ARK2C: variants seen among roughly 807,000 people sequenced by gnomAD.
The protein encoded by ARK2C is arkadia (RNF111) C-terminal like ring finger ubiquitin ligase 2C, also known as E3 ubiquitin-protein ligase ARK2C.
At chr18:46,441,577 T>A in the ARK2C span, among the ~76,000 whole-genome samples, 1 of 152,102 alleles carries the variant, frequency 6.6e-6, no homozygotes, top group Non-Finnish European at 1.5e-5. Context: ...TAATCATTTG[T>A]ACTACTCTTT....
At chr18:46,399,229 G>A in the ARK2C span, among the ~76,000 whole-genome samples, 2 of 152,194 alleles carry the variant, frequency 1.3e-5, no homozygotes, top group African/African-American at 2.4e-5. Flanking sequence ...TCACACAGGC[G>A]GTGGGGGTGG....
chr18:46,342,484 G>A, the ARK2C span, among the ~76,000 whole-genome samples: 1 of 152,246 alleles, frequency 6.6e-6, no homozygotes, highest in African/African-American at 2.4e-5. Flanking sequence ...GGGACTTTGA[G>A]AGACAGGGAG....
chr18:46,459,342 T>C, the ARK2C span: 4 of 152,282 alleles, frequency 2.6e-5, no homozygotes, highest in Non-Finnish European at 5.9e-5. Context: ...TGCTTGCTAA[T>C]TTCCTTCTGA....
the ARK2C span, among the ~76,000 whole-genome samples, chr18:46,389,449 T>C: frequency 6.6e-6 from 1 of 152,184 alleles, no homozygotes; most frequent in Non-Finnish European, 1.5e-5. Flanking sequence ...TCCCTTCATT[T>C]TGTAGGCACG....
At chr18:46,366,407 C>T in the ARK2C span, among the ~76,000 whole-genome samples, 5 of 152,116 alleles carry the variant, frequency 3.3e-5, no homozygotes, top group South Asian at 1.0e-3. Flanking sequence ...TATATGACCT[C>T]TCCCTTCTCC....
the ARK2C span, among the ~76,000 whole-genome samples, chr18:46,389,056 G>A: frequency 1.3e-5 from 2 of 152,152 alleles, no homozygotes; most frequent in African/African-American, 4.8e-5. Flanking sequence ...ACAACAGATT[G>A]GGAACAACTA....
the ARK2C span, among the ~76,000 whole-genome samples, chr18:46,365,531 G>C: frequency 0.042 from 6,459 of 152,158 alleles, 455 homozygotes; most frequent in African/African-American, 0.14. Flanking sequence ...TGAGACCAAG[G>C]CTTGCTCTGT....
At chr18:46,379,189 G>A in the ARK2C span, among the ~76,000 whole-genome samples, 5 of 152,192 alleles carry the variant, frequency 3.3e-5, no homozygotes, top group Non-Finnish European at 5.9e-5. Context: ...TGCTGGAAAC[G>A]CTATCATTCT....
At chr18:46,443,332 G>A in the ARK2C span, among the ~76,000 whole-genome samples, 70 of 151,656 alleles carry the variant, frequency 4.6e-4, 1 homozygote, top group Non-Finnish European at 1.6e-4. Flanking sequence ...ATTTTATTTT[G>A]GGAATTCACT....
the ARK2C span, among the ~76,000 whole-genome samples, chr18:46,389,807 C>A: frequency 6.6e-6 from 1 of 152,144 alleles, no homozygotes; most frequent in African/African-American, 2.4e-5. Context: ...TGGCTCACTG[C>A]AGCCTCGACT....
the ARK2C span, among the ~76,000 whole-genome samples, chr18:46,430,134 G>A: frequency 3.3e-5 from 5 of 152,186 alleles, no homozygotes; most frequent in Admixed American, 6.5e-5. Context: ...ACCTTTTTGA[G>A]AAGGAGTGTT....
chr18:46,450,691 T>C, the ARK2C span: 1 of 1,609,562 alleles, frequency 6.2e-7, no homozygotes, highest in African/African-American at 1.3e-5. Context: ...TGTGCACATT[T>C]TTCTCTTTCC....
the ARK2C span, among the ~76,000 whole-genome samples, chr18:46,373,364 G>A: frequency 1.3e-5 from 2 of 152,356 alleles, no homozygotes; most frequent in East Asian, 1.9e-4. Flanking sequence ...TCTGGAAGGC[G>A]GCTGGCCTGC....
chr18:46,404,444 C>T, the ARK2C span, among the ~76,000 whole-genome samples: 1 of 152,150 alleles, frequency 6.6e-6, no homozygotes, highest in Admixed American at 6.5e-5. Flanking sequence ...TGTATCATTT[C>T]ACTCTCATTA....
At chr18:46,404,405 G>T in the ARK2C span, among the ~76,000 whole-genome samples, 1 of 152,164 alleles carries the variant, frequency 6.6e-6, no homozygotes, top group East Asian at 1.9e-4. Flanking sequence ...CCTTTTTCGT[G>T]TGGGACATGC....
At chr18:46,341,319 A>AGGGGGGGGGGGAAGGG in the ARK2C span, among the ~76,000 whole-genome samples, 1 of 126,366 alleles carries the variant, frequency 7.9e-6, no homozygotes, top group Non-Finnish European at 1.7e-5. Context: ...GAGGTCAGGG[A>AGGGGGGGGGGGAAGGG]GGGGGGTGGG....
At chr18:46,369,873 C>T in the ARK2C span, among the ~76,000 whole-genome samples, 16 of 152,206 alleles carry the variant, frequency 1.1e-4, 1 homozygote, top group Admixed American at 6.5e-4. Context: ...GCCCGGGGCC[C>T]GTTGGGCCCA....
At chr18:46,338,744 G>A in the ARK2C span, among the ~76,000 whole-genome samples, 2 of 152,082 alleles carry the variant, frequency 1.3e-5, no homozygotes, top group Non-Finnish European at 2.9e-5. Context: ...CTTGCTAAAT[G>A]AGGCATTTTA....
the ARK2C span, among the ~76,000 whole-genome samples, chr18:46,400,666 C>T: frequency 2.0e-5 from 3 of 152,148 alleles, no homozygotes; most frequent in African/African-American, 4.8e-5. Context: ...GGTGTGTCAG[C>T]GTGCCTCTCA....
Sources: gnomAD v4.1 joint callset for allele counts (sites outside exome capture counted in the v4.1 genomes callset) on GRCh38, gnomAD v4.1.1 for gene constraint, MANE v1.5 for transcripts, NCBI Gene and HGNC (gene_info 2026-07-23, HGNC 2026-07-21) for gene names.